Variants in ARID1B observed in about 807,000 individuals in gnomAD.
The protein encoded by ARID1B is AT-rich interaction domain 1B, also known as AT-rich interactive domain-containing protein 1B.
ARID1B carries 30 observed loss-of-function variants against 212.3 expected under a neutral mutation model. That is an observed-to-expected ratio of 0.14 (90% CI 0.11 to 0.19). The LOEUF (loss-of-function observed/expected upper bound fraction) is 0.19, where lower values mean the gene tolerates loss of function less well. ARID1B is among the 10% of genes least tolerant of loss of function. The pLI, the probability that ARID1B is intolerant of heterozygous loss-of-function variation, is 1.00. For synonymous variants in ARID1B, 1,402 were observed against 1,301.7 expected (o/e 1.08, Z -1.66); for missense variants, 2,891 against 3,204.0 (o/e 0.90, Z 2.36).
rs1387431464 is a variant in ARID1B at position 156,779,008 on chromosome 6, G to A, written c.1328G>A (p.Gly443Asp). ...AGGGGGGGYG[G>D]SSAGYGVLSS... ...GGCGGCGGCGGCGGCGGCTATGGGG[G>A]CTCGTCCGCGGGGTACGGGGTGCTG... Residue 443 changes from glycine to aspartate, a missense_variant, in exon 1 of 20, where the codon GGC becomes GAC. By Grantham distance (94) the Gly-to-Asp change is moderately conservative. Transcript: ENST00000636930. 1 of 1,265,358 alleles carries A rather than the reference G, an allele frequency of 7.9e-7. No homozygotes were observed. 78.4% of individuals were successfully genotyped at this position (1,265,358 alleles called of 1,614,324 possible).
In ARID1B at chr6:157,119,971, C is replaced by T. The variant is rs1252436497; in HGVS notation, c.2581+9410C>T. Among the ~76,000 whole-genome samples the T allele has an allele frequency of 3.3e-5, 5 of 152,204 alleles. No individual in the cohort carries two copies. The East Asian group carries it at 9.6e-4, about 29-fold the overall frequency. ...TTTGGACTATTTGTGAAATGAGGATCATGGATATATTGCACAATTCAAATA... is the reference window on the plus strand; with the variant it reads ...TTTGGACTATTTGTGAAATGAGGATTATGGATATATTGCACAATTCAAATA... On this transcript the variant is annotated intron_variant, in intron 6 of 19. Coordinates refer to ENST00000636930, the MANE Select transcript of ARID1B (RefSeq NM_001374828.1).
intron 2 of ARID1B, among the ~76,000 whole-genome samples, chr6:156,851,315 G>A (rs928240630): frequency 1.3e-5 from 2 of 152,094 alleles, no homozygotes; most frequent in African/African-American, 2.4e-5. Context: ...AACTTGTTCC[G>A]GGTTATTTAT....
In ARID1B at chr6:157,167,138, A is replaced by T. The variant is rs139620600; in HGVS notation, c.3188A>T (p.Gln1063Leu). ...AACAGCTCTAGCCTGATGAACACGC[A>T]GGCGCCGCCCTACAGCATGGCGCCC... Reference protein sequence around the residue: ...MNNSSSLMNTQAPPYSMAPAM... With the variant: ...MNNSSSLMNTLAPPYSMAPAM... Residue 1063 changes from glutamine to leucine, a missense_variant, in exon 9 of 20, where the codon CAG becomes CTG. Physicochemically the swap from Gln to Leu is moderately radical, Grantham distance 113. Coordinates refer to ENST00000636930, the MANE Select transcript of ARID1B (RefSeq NM_001374828.1). The T allele has an allele frequency of 3.8e-4, 605 of 1,611,150 alleles. No homozygotes were observed. The highest frequency in any genetic ancestry group is 4.2e-4 in the Non-Finnish European group (501 of 1,180,004).
intron 1 of ARID1B, among the ~76,000 whole-genome samples, chr6:156,801,489 G>A (rs1255065770): frequency 6.6e-6 from 1 of 151,998 alleles, no homozygotes; most frequent in African/African-American, 2.4e-5. Context: ...GTGAGCCACC[G>A]CACCCGGCCT....
At chr6:157,121,757 G>T (rs980771114) in intron 6 of ARID1B, among the ~76,000 whole-genome samples, 4 of 148,282 alleles carry the variant, frequency 2.7e-5, no homozygotes, top group African/African-American at 1.0e-4. Context: ...TCAGCCTCCC[G>T]AGTAGCTGGA....
chr6:156,870,728 T>TA (rs35395270), intron 2 of ARID1B, among the ~76,000 whole-genome samples: 17,614 of 144,148 alleles, frequency 0.12, 1,178 homozygotes, highest in East Asian at 0.3. Context: ...ATGGTAGTGT[T>TA]AAAAAAAAAA....
At chr6:157,101,045 C>T (rs911648815) in intron 5 of ARID1B, among the ~76,000 whole-genome samples, 2 of 152,152 alleles carry the variant, frequency 1.3e-5, no homozygotes, top group African/African-American at 2.4e-5. Flanking sequence ...AGCCGATTTC[C>T]ATGAGGCTGT....
chr6:157,115,794 C>T (rs960204551), intron 6 of ARID1B, among the ~76,000 whole-genome samples: 4 of 152,098 alleles, frequency 2.6e-5, no homozygotes, highest in African/African-American at 9.7e-5. Flanking sequence ...TCATTATGTA[C>T]ATGAATTTTA....
chr6:156,929,742 G>T (rs1358701811), intron 3 of ARID1B, among the ~76,000 whole-genome samples: 1 of 152,136 alleles, frequency 6.6e-6, no homozygotes, highest in East Asian at 1.9e-4. Flanking sequence ...AGGCTCTGTT[G>T]CATTTTGTTT....
At chr6:156,938,435 G>A (rs933990055) in intron 4 of ARID1B, 1 of 152,096 alleles carries the variant, frequency 6.6e-6, no homozygotes, top group African/African-American at 2.4e-5. Flanking sequence ...TCCTTTTCAG[G>A]TGTCAGGGAT....
intron 2 of ARID1B, among the ~76,000 whole-genome samples, chr6:156,862,407 G>A (rs142295431): frequency 4.0e-4 from 61 of 152,316 alleles, no homozygotes; most frequent in Admixed American, 7.2e-4. Context: ...AGAGGGCTGA[G>A]CACACCTTGG....
At chr6:156,841,159 A>G (rs1434729939) in intron 2 of ARID1B, among the ~76,000 whole-genome samples, 3 of 152,212 alleles carry the variant, frequency 2.0e-5, no homozygotes, top group South Asian at 4.1e-4. Flanking sequence ...CACAGTTCAC[A>G]TCCATGTTTG....
At chr6:157,168,655 G>T (rs1250762149) in intron 9 of ARID1B, 1 of 152,158 alleles carries the variant, frequency 6.6e-6, no homozygotes, top group Non-Finnish European at 1.5e-5. Context: ...CAAGCAGATG[G>T]CCCAGTGCCC....
At chr6:156,909,435 TTA>T (rs1162122929) in intron 3 of ARID1B, among the ~76,000 whole-genome samples, 2 of 152,320 alleles carry the variant, frequency 1.3e-5, no homozygotes, top group Admixed American at 1.3e-4. Flanking sequence ...AGGGCGTTTC[TTA>T]TATAACAGCA....
chr6:156,887,240 G>T (rs1456377123), intron 2 of ARID1B, among the ~76,000 whole-genome samples: 1 of 152,072 alleles, frequency 6.6e-6, no homozygotes, highest in Non-Finnish European at 1.5e-5. Context: ...GAGAGCAGTG[G>T]GTGCCAGTAA....
At chr6:156,963,837 G>T (rs1171606574) in intron 4 of ARID1B, among the ~76,000 whole-genome samples, 2 of 152,196 alleles carry the variant, frequency 1.3e-5, no homozygotes, top group African/African-American at 2.4e-5. Flanking sequence ...TGCTTATGAG[G>T]TAGCAGTCCG....
At chr6:157,039,424 G>A (rs1337459357) in intron 4 of ARID1B, among the ~76,000 whole-genome samples, 3 of 143,780 alleles carry the variant, frequency 2.1e-5, no homozygotes, top group African/African-American at 5.2e-5. Flanking sequence ...TCCGCTTCCC[G>A]GGTTCACGCC....
intron 3 of ARID1B, among the ~76,000 whole-genome samples, chr6:156,911,798 G>A (rs1400032140): frequency 3.9e-5 from 6 of 152,184 alleles, no homozygotes; most frequent in Non-Finnish European, 7.3e-5. Flanking sequence ...AGGTGCAAAC[G>A]AGGCTGCTAC....
intron 2 of ARID1B, among the ~76,000 whole-genome samples, chr6:156,900,654 T>C (rs1029015947): frequency 2.6e-5 from 4 of 152,206 alleles, no homozygotes; most frequent in Non-Finnish European, 4.4e-5. Context: ...AAAAATACTA[T>C]CCATGGTATA....
Sources: gnomAD v4.1 joint callset for allele counts (sites outside exome capture counted in the v4.1 genomes callset) on GRCh38, gnomAD v4.1.1 for gene constraint, MANE v1.5 for transcripts, NCBI Gene and HGNC (gene_info 2026-07-23, HGNC 2026-07-21) for gene names.